MUC7: variants seen among roughly 807,000 people sequenced by gnomAD.
MUC7 encodes the protein mucin 7, secreted, also known as mucin-7.
MUC7 carries 2 observed loss-of-function variants against 2.5 expected under a neutral mutation model. The observed-to-expected ratio is 0.81, with a 90% CI of 0.33 to 2.55. The LOEUF (loss-of-function observed/expected upper bound fraction) is 2.55, where lower values mean the gene tolerates loss of function less well. Among genes scored for constraint, MUC7 ranks in the 30% most tolerant of loss-of-function variants. The pLI, the probability that MUC7 is intolerant of heterozygous loss-of-function variation, is 0.11. For missense variants in MUC7, 408 were observed against 455.6 expected, an observed-to-expected ratio of 0.90 and a Z score of 0.95; for synonymous variants, 133 against 173.4, an observed-to-expected ratio of 0.77 and a Z score of 1.83.
intron 2 of MUC7, among the ~76,000 whole-genome samples, chr4:70,476,875 C>T (rs895253435): frequency 3.9e-5 from 6 of 152,234 alleles, no homozygotes; most frequent in African/African-American, 9.6e-5. Context: ...GGAGCTCTAG[C>T]AACAACCTGC....
At chr4:70,438,632 T>C (rs1447527216) in intron 1 of MUC7, among the ~76,000 whole-genome samples, 1 of 151,872 alleles carries the variant, frequency 6.6e-6, no homozygotes, top group Non-Finnish European at 1.5e-5. Flanking sequence ...AATTTTTGTA[T>C]TTTTTAGTAG....
chr4:70,459,471 C>T (rs1188434965), intron 1 of MUC7, among the ~76,000 whole-genome samples: 1 of 152,076 alleles, frequency 6.6e-6, no homozygotes, highest in African/African-American at 2.4e-5. Context: ...AGGAGATATA[C>T]CTAATGCTAA....
chr4:70,430,602 G>A (rs1733634511), exon 1 of MUC7: 2 of 151,960 alleles, frequency 1.3e-5, no homozygotes, highest in South Asian at 2.1e-4. Context: ...TTGCTTCTTG[G>A]CTACCAAAAT....
In MUC7 at chr4:70,481,944, C is replaced by A; in HGVS notation, c.*66C>A. The A allele has an allele frequency of 1.3e-6, 2 of 1,527,572 alleles. No homozygotes were observed. Among genetic ancestry groups the A allele is most frequent in the Non-Finnish European group, 1.8e-6 (2 of 1,133,284 alleles). The allele number at this position is 1,527,572 out of a possible 1,614,324, so 94.6% of individuals were successfully genotyped here. ...TGATTCATGAGTGCAGAACTACCACCTTTCTTTTAGCACCAATCCCAACAT... is the reference window on the plus strand; with the variant it reads ...TGATTCATGAGTGCAGAACTACCACATTTCTTTTAGCACCAATCCCAACAT... On this transcript the variant is annotated 3_prime_UTR_variant, in exon 3 of 3. Coordinates refer to ENST00000304887, the MANE Select transcript of MUC7 (RefSeq NM_152291.3).
chr4:70,480,324 G>A (rs1735128515), intron 2 of MUC7, among the ~76,000 whole-genome samples: 1 of 152,218 alleles, frequency 6.6e-6, no homozygotes, highest in Non-Finnish European at 1.5e-5. Flanking sequence ...TTGGGGCTTT[G>A]TTGTTGTTTG....
intron 1 of MUC7, among the ~76,000 whole-genome samples, chr4:70,457,040 CAG>C (rs904142493): frequency 5.3e-5 from 8 of 152,106 alleles, no homozygotes; most frequent in African/African-American, 9.7e-5. Flanking sequence ...AGATGGAAGA[CAG>C]GGGACTGCAA....
intron 1 of MUC7, among the ~76,000 whole-genome samples, chr4:70,462,040 C>T (rs184239596): frequency 3.9e-5 from 6 of 152,122 alleles, no homozygotes; most frequent in Admixed American, 3.3e-4. Context: ...AAGGGGACCC[C>T]GTCTCTACAA....
At chr4:70,474,223 A>C in intron 2 of MUC7, 148 bp downstream of exon 2, 2 of 642,292 alleles carry the variant, frequency 3.1e-6, no homozygotes, top group Non-Finnish European at 5.4e-6. Context: ...AAATATGGAC[A>C]ATTGGCCGGT....
chr4:70,472,873 C>G (rs1734873136), intron 1 of MUC7, among the ~76,000 whole-genome samples: 1 of 152,138 alleles, frequency 6.6e-6, no homozygotes, highest in South Asian at 2.1e-4. Flanking sequence ...ATTACCTGCC[C>G]TAATATGTAA....
At chr4:70,454,385 A>G (rs1734365014) in intron 1 of MUC7, among the ~76,000 whole-genome samples, 1 of 152,208 alleles carries the variant, frequency 6.6e-6, no homozygotes, top group Non-Finnish European at 1.5e-5. Context: ...GTGGGCAAGT[A>G]TCAGCTGACT....
upstream of MUC7, among the ~76,000 whole-genome samples, chr4:70,467,553 T>C (rs7681540): frequency 0.013 from 2,047 of 151,866 alleles, 46 homozygotes; most frequent in African/African-American, 0.047. Flanking sequence ...ATCAAATAGA[T>C]GCAATAAAAA....
At chr4:70,442,994 C>T (rs376474636) in intron 1 of MUC7, among the ~76,000 whole-genome samples, 3 of 152,120 alleles carry the variant, frequency 2.0e-5, no homozygotes, top group Non-Finnish European at 4.4e-5. Context: ...GAATCCTAGT[C>T]AAATTTTCCC....
In MUC7 at chr4:70,481,287, T is replaced by A. The variant is rs757355505; in HGVS notation, c.543T>A (p.Ser181=). 6.2e-7 allele frequency: 1 copy of A among 1,611,760 alleles called. No homozygotes were observed. Among genetic ancestry groups the A allele is most frequent in the Non-Finnish European group, 8.5e-7 (1 of 1,179,276 alleles). ...CTGCAACTACACCAGCTCCACCATC[T>A]TCCTCAGCTCCACCAGAGACCACAG... ...TPSATTPAPP[S]SSAPPETTAA... Residue 181 remains serine, a synonymous_variant, in exon 3 of 3, where the codon TCT becomes TCA. Coordinates refer to ENST00000304887, the MANE Select transcript of MUC7 (RefSeq NM_152291.3).
intron 1 of MUC7, among the ~76,000 whole-genome samples, chr4:70,455,611 G>C (rs1227507427): frequency 6.6e-6 from 1 of 152,082 alleles, no homozygotes; most frequent in Non-Finnish European, 1.5e-5. Flanking sequence ...CGTGTAACAA[G>C]ATTAAATTGG....
upstream of MUC7, among the ~76,000 whole-genome samples, chr4:70,471,317 A>C (rs955433472): frequency 1.3e-5 from 2 of 152,184 alleles, no homozygotes; most frequent in African/African-American, 2.4e-5. Context: ...GGATAAAAGA[A>C]ACTAGAGACA....
At chr4:70,473,392 C>T (rs1734896086) in intron 1 of MUC7, among the ~76,000 whole-genome samples, 1 of 151,314 alleles carries the variant, frequency 6.6e-6, no homozygotes, top group African/African-American at 2.4e-5. Context: ...TGCAGTGAGC[C>T]ATGCGTGTGC....
At chr4:70,454,402 C>T (rs1471257816) in intron 1 of MUC7, among the ~76,000 whole-genome samples, 2 of 152,090 alleles carry the variant, frequency 1.3e-5, no homozygotes, top group South Asian at 2.1e-4. Context: ...GACTTAAGCC[C>T]GGTTTTGTTT....
At chr4:70,449,536 A>G (rs4583827) in intron 1 of MUC7, among the ~76,000 whole-genome samples, 121,734 of 152,056 alleles carry the variant, frequency 0.8, 49,301 homozygotes, top group Middle Eastern at 0.88. Context: ...ATATTTGGGC[A>G]AGGACACAGC....
intron 1 of MUC7, among the ~76,000 whole-genome samples, chr4:70,458,017 G>A (rs1352092779): frequency 6.6e-6 from 1 of 151,826 alleles, no homozygotes; most frequent in South Asian, 2.1e-4. Context: ...TATTAAAAGC[G>A]AAGTTAGCAT....
Sources: allele counts gnomAD v4.1 joint callset (sites outside exome capture counted in the v4.1 genomes callset), GRCh38; gene constraint gnomAD v4.1.1; transcripts MANE v1.5; gene names NCBI Gene and HGNC (gene_info 2026-07-23, HGNC 2026-07-21).